WNT3: variants seen among roughly 807,000 people sequenced by gnomAD.
WNT3 encodes proto-oncogene Wnt-3.
Under a neutral mutation model 34.2 loss-of-function variants are expected in WNT3, and 7 were observed. The ratio of observed to expected loss-of-function variants is 0.20; its 90% CI spans 0.12 to 0.38. The LOEUF is 0.38. Among genes scored for constraint, WNT3 ranks in the 10% least tolerant of loss-of-function variants. The probability of loss-of-function intolerance (pLI) is 1.00; values close to 1 mark genes in which losing one functional copy is unlikely to be tolerated. For synonymous variants in WNT3, 212 were observed against 211.5 expected (o/e 1.00, Z -0.02); for missense variants, 267 against 499.8 (o/e 0.53, Z 4.44).
At chr17:46,790,836 G>A (rs951183095) in intron 1 of WNT3, among the ~76,000 whole-genome samples, 22 of 152,184 alleles carry the variant, frequency 1.4e-4, no homozygotes, top group African/African-American at 4.3e-4. Flanking sequence ...CTGCGCTCGC[G>A]TTTTATGTGC....
chr17:46,800,581 C>A (rs1206777084), intron 1 of WNT3, among the ~76,000 whole-genome samples: 1 of 152,160 alleles, frequency 6.6e-6, no homozygotes, highest in Non-Finnish European at 1.5e-5. Context: ...GGAAAATACA[C>A]AACAAGTACC....
intron 1 of WNT3, among the ~76,000 whole-genome samples, chr17:46,817,594 C>T (rs964593472): frequency 2.0e-5 from 3 of 152,160 alleles, no homozygotes; most frequent in South Asian, 2.1e-4. Flanking sequence ...GCTCCCAAAG[C>T]GATGTTTATT....
chr17:46,781,095 G>A (rs906230012), intron 1 of WNT3, among the ~76,000 whole-genome samples: 5 of 152,060 alleles, frequency 3.3e-5, no homozygotes, highest in Non-Finnish European at 7.4e-5. Flanking sequence ...GGGCCTGGTG[G>A]TGCGTGCCTG....
chr17:46,778,808 G>A (rs558361379), intron 1 of WNT3, among the ~76,000 whole-genome samples: 4 of 151,980 alleles, frequency 2.6e-5, no homozygotes, highest in South Asian at 4.2e-4. Context: ...CCGGCCCCCG[G>A]CAACCATTCT....
At chr17:46,812,327 C>T (rs1210438832) in intron 1 of WNT3, among the ~76,000 whole-genome samples, 2 of 152,154 alleles carry the variant, frequency 1.3e-5, no homozygotes, top group African/African-American at 4.8e-5. Context: ...CACATACCTC[C>T]ACCCCCCTAC....
intron 1 of WNT3, among the ~76,000 whole-genome samples, chr17:46,778,081 C>T (rs1006064575): frequency 9.2e-5 from 14 of 152,204 alleles, no homozygotes; most frequent in African/African-American, 2.9e-4. Context: ...GTGCATGGCA[C>T]GTGGGGAGCC....
In WNT3 at chr17:46,800,643, C is replaced by G. The variant is rs558411668; in HGVS notation, c.80+17875G>C. Among the ~76,000 whole-genome samples, 60 of 152,330 alleles carry G rather than the reference C, an allele frequency of 3.9e-4. No individual in the cohort carries two copies. The South Asian group carries it at 0.012, about 31-fold the overall frequency. On this transcript the variant is annotated intron_variant, in intron 1 of 4. Coordinates refer to ENST00000225512, the MANE Select transcript of WNT3 (RefSeq NM_030753.5). The stretch of plus-strand genomic sequence containing the variant: ...AGAGGCAATGAGAATCCAGCTGGAG[C>G]AGGGAGACAAGAGTCTGGGACCAGC...
chr17:46,817,858 T>C (rs926705539), intron 1 of WNT3, among the ~76,000 whole-genome samples: 1 of 151,754 alleles, frequency 6.6e-6, no homozygotes, highest in East Asian at 1.9e-4. Flanking sequence ...TTTGCCAGGG[T>C]GGACAAGCAA....
rs755692563 is a variant in WNT3, at chr17:46,768,330, G to T, written c.1058C>A (p.Thr353Asn). 1.2e-6 allele frequency: 2 copies of T among 1,613,662 alleles called. No homozygotes were observed. The highest frequency in any genetic ancestry group is 1.7e-5 in the Admixed American group (1 of 60,024). Residue 353 changes from threonine (T) to asparagine (N), a missense_variant, in exon 4 of 5, where the codon ACC becomes AAC. This residue lies in a region of WNT3 where 60 missense variants were observed against 82.7 expected (regional missense o/e 0.73). Coordinates refer to ENST00000225512, the MANE Select transcript of WNT3 (RefSeq NM_030753.5). This position sits in a 1 kb window ranked among gnomAD's most constrained non-coding sequence, Gnocchi z 5.0. ...QECIRIYDVH[T>N]CK is the part of the protein sequence containing the mutation. ...GCCCTACCTGGTGCCCTACTTGCAG[G>T]TGTGCACGTCGTAGATGCGAATACA...
Position 46,770,020 on chromosome 17 carries a change from G to A in WNT3, c.351C>T (p.Ala117=), listed in dbSNP as rs1174472089. The part of the protein sequence containing the change: ...KATRESAFVH[A]IASAGVAFAV... ...CGAAGGCCACGCCGGCCGAGGCGATGGCGTGAACGAAGGCCGACTCGCGGG... is the reference window on the plus strand; with the variant it reads ...CGAAGGCCACGCCGGCCGAGGCGATAGCGTGAACGAAGGCCGACTCGCGGG... The change falls in exon 3 of 5, where the codon GCC becomes GCT. Residue 117 remains alanine (A), a synonymous_variant. Coordinates refer to ENST00000225512, the MANE Select transcript of WNT3 (RefSeq NM_030753.5). 1 of 1,578,282 alleles carries A rather than the reference G, an allele frequency of 6.3e-7. No homozygotes were observed. The highest frequency in any genetic ancestry group is 1.8e-5 in the Admixed American group (1 of 54,374).
intron 1 of WNT3, among the ~76,000 whole-genome samples, chr17:46,774,504 T>C (rs1361853342): frequency 6.6e-6 from 1 of 152,262 alleles, no homozygotes; most frequent in Non-Finnish European, 1.5e-5. Flanking sequence ...CATGACCATC[T>C]TTCCAGTTTC....
chr17:46,789,292 T>C (rs2083949068), intron 1 of WNT3, among the ~76,000 whole-genome samples: 1 of 152,168 alleles, frequency 6.6e-6, no homozygotes, highest in Non-Finnish European at 1.5e-5. Context: ...TATTCTATGC[T>C]CTTCAGAAAA....
At chr17:46,803,518 G>A (rs2084153211) in intron 1 of WNT3, among the ~76,000 whole-genome samples, 1 of 152,124 alleles carries the variant, frequency 6.6e-6, no homozygotes. Context: ...AACAGTGCAA[G>A]ACTATGTCTC....
intron 1 of WNT3, among the ~76,000 whole-genome samples, chr17:46,804,961 C>G (rs1054596648): frequency 1.4e-5 from 2 of 144,158 alleles, no homozygotes; most frequent in African/African-American, 5.2e-5. Flanking sequence ...CCCCTTGGGT[C>G]GCCTTCCATG....
intron 1 of WNT3, among the ~76,000 whole-genome samples, chr17:46,794,290 C>T (rs1171860975): frequency 6.6e-6 from 1 of 152,090 alleles, no homozygotes; most frequent in Non-Finnish European, 1.5e-5. Context: ...GAAAGGAGGC[C>T]AGGGCCTGAG....
chr17:46,806,908 G>T (rs1253251768), intron 1 of WNT3, among the ~76,000 whole-genome samples: 1 of 152,208 alleles, frequency 6.6e-6, no homozygotes, highest in African/African-American at 2.4e-5. Flanking sequence ...GAGCAGCTCT[G>T]TTGGAGAGAG....
intron 1 of WNT3, among the ~76,000 whole-genome samples, chr17:46,785,316 C>T (rs1374019334): frequency 1.3e-5 from 2 of 152,202 alleles, no homozygotes; most frequent in Non-Finnish European, 2.9e-5. Flanking sequence ...ACCTGTCACC[C>T]TGCATTGTGT....
At chr17:46,803,142 T>G (rs181955086) in intron 1 of WNT3, among the ~76,000 whole-genome samples, 103 of 152,362 alleles carry the variant, frequency 6.8e-4, no homozygotes, top group Middle Eastern at 6.8e-3. Flanking sequence ...TTGCTTGGTG[T>G]ATGCACGCAT....
intron 1 of WNT3, among the ~76,000 whole-genome samples, chr17:46,781,958 T>TCTGAGAATGTGCA: frequency 6.6e-6 from 1 of 152,236 alleles, no homozygotes; most frequent in East Asian, 1.9e-4. Context: ...CCACCAGGCT[T>TCTGAGAATGTGCA]TTAACCTGGG....
Sources: gnomAD v4.1 joint callset for allele counts (sites outside exome capture counted in the v4.1 genomes callset) on GRCh38, gnomAD v4.1.1 for gene constraint, gnomAD v4.1.1 regional missense constraint, Gnocchi (gnomAD v3.1) non-coding constraint, MANE v1.5 for transcripts, NCBI Gene and HGNC (gene_info 2026-07-23, HGNC 2026-07-21) for gene names.